The following VPS13B variants were observed in gnomAD, a reference collection of about 807,000 sequenced individuals.
VPS13B encodes the protein intermembrane lipid transfer protein VPS13B.
Under a neutral mutation model 426.4 loss-of-function variants are expected in VPS13B, and 285 were observed. That is an observed-to-expected ratio of 0.67 (90% CI 0.61 to 0.74). The LOEUF (loss-of-function observed/expected upper bound fraction) is 0.74. Among genes scored for constraint, VPS13B ranks in the 30% least tolerant of loss-of-function variants. VPS13B has a pLI of 0.00. For missense variants in VPS13B, 4,537 were observed against 4,782.6 expected (o/e 0.95, Z 1.51); for synonymous variants, 1,676 against 1,676.4 (o/e 1.00, Z 0.01).
chr8:99,139,159 C>T (rs977241975), intron 12 of VPS13B, among the ~76,000 whole-genome samples: 1 of 152,202 alleles, frequency 6.6e-6, no homozygotes. Flanking sequence ...GTATTCTCCA[C>T]GCACACCAAG....
intron 1 of VPS13B, among the ~76,000 whole-genome samples, 180 bp downstream of exon 1, chr8:99,013,527 G>A (rs1841432222): frequency 1.3e-5 from 2 of 152,176 alleles, no homozygotes; most frequent in African/African-American, 4.8e-5. Flanking sequence ...CCACTCTGAG[G>A]GACCCGCTCT....
chr8:99,227,080 T>G (rs1816060342), intron 17 of VPS13B, among the ~76,000 whole-genome samples: 1 of 152,232 alleles, frequency 6.6e-6, no homozygotes, highest in African/African-American at 2.4e-5. Context: ...TCTATCATTC[T>G]ACTGTCCACC....
chr8:99,275,055 A>G (rs780129889), intron 18 of VPS13B, 26 bp from the exon 19 acceptor site: 4 of 1,553,862 alleles, frequency 2.6e-6, no homozygotes, highest in African/African-American at 2.8e-5. Context: ...TATTTTTATT[A>G]TTGTTTTATA....
intron 17 of VPS13B, among the ~76,000 whole-genome samples, chr8:99,273,923 T>G (rs1415177374): frequency 6.6e-6 from 1 of 151,934 alleles, no homozygotes; most frequent in African/African-American, 2.4e-5. Context: ...TTATTTCTTG[T>G]TTTTTTTAAA....
chr8:99,370,511 T>G (rs1212395880), intron 19 of VPS13B, among the ~76,000 whole-genome samples: 1 of 152,060 alleles, frequency 6.6e-6, no homozygotes, highest in Non-Finnish European at 1.5e-5. Flanking sequence ...TAATTTAGAT[T>G]GGTAAAGCAG....
At chr8:99,420,788 A>T (rs577553515) in intron 21 of VPS13B, among the ~76,000 whole-genome samples, 1 of 152,290 alleles carries the variant, frequency 6.6e-6, no homozygotes, top group East Asian at 1.9e-4. Context: ...AGGCTCTAGA[A>T]GAAGGACCAA....
intron 17 of VPS13B, chr8:99,234,292 G>T: frequency 1.3e-6 from 1 of 761,846 alleles, no homozygotes; most frequent in Non-Finnish European, 2.5e-6. Flanking sequence ...CTGTGTCTGT[G>T]TTGACTTGTT....
chr8:99,241,637 A>T (rs941384494), intron 17 of VPS13B: 3 of 152,196 alleles, frequency 2.0e-5, no homozygotes, highest in African/African-American at 7.2e-5. Flanking sequence ...TCCCAAGTCT[A>T]TGGAAATTTT....
chr8:99,804,880 C>T (rs1399601587), intron 43 of VPS13B, among the ~76,000 whole-genome samples: 1 of 151,892 alleles, frequency 6.6e-6, no homozygotes, highest in Admixed American at 6.6e-5. Flanking sequence ...TACCTATAGT[C>T]CTAGCTACTC....
intron 23 of VPS13B, among the ~76,000 whole-genome samples, chr8:99,462,341 A>G (rs550701756): frequency 4.7e-4 from 71 of 152,244 alleles, no homozygotes; most frequent in African/African-American, 1.6e-3. Flanking sequence ...CAAATCGATT[A>G]GAACTTTTTT....
At chr8:99,022,341 A>G (rs1442678979) in intron 2 of VPS13B, among the ~76,000 whole-genome samples, 1 of 151,862 alleles carries the variant, frequency 6.6e-6, no homozygotes, top group Non-Finnish European at 1.5e-5. Context: ...AAAATTTTAT[A>G]ATTTCCATTT....
At chr8:99,728,807 G>T (rs1833465564) in intron 39 of VPS13B, among the ~76,000 whole-genome samples, 1 of 152,178 alleles carries the variant, frequency 6.6e-6, no homozygotes, top group South Asian at 2.1e-4. Flanking sequence ...TTAATATCAA[G>T]ATACAGTGGG....
intron 29 of VPS13B, among the ~76,000 whole-genome samples, chr8:99,518,444 G>T (rs1822203477): frequency 6.6e-6 from 1 of 152,174 alleles, no homozygotes; most frequent in South Asian, 2.1e-4. Context: ...TAGTGCAGCT[G>T]CATGAGAAGT....
chr8:99,197,832 A>G (rs905956200), intron 17 of VPS13B, among the ~76,000 whole-genome samples: 2 of 151,956 alleles, frequency 1.3e-5, no homozygotes, highest in Non-Finnish European at 2.9e-5. Context: ...CCTGTTGGTA[A>G]TTTAGGAACA....
chr8:99,074,529 C>G (rs1845017425), intron 3 of VPS13B, among the ~76,000 whole-genome samples: 1 of 151,520 alleles, frequency 6.6e-6, no homozygotes, highest in Non-Finnish European at 1.5e-5. Context: ...AAAATTCTAC[C>G]TGATTATAGT....
chr8:99,790,040 G>A lies in VPS13B; in HGVS notation c.7941+5564G>A, dbSNP rs139978250. 5.1e-4 allele frequency among the ~76,000 whole-genome samples: 78 copies of A among 152,116 alleles called. 1 individual carries two copies. Among genetic ancestry groups the A allele is most frequent in the African/African-American group, 1.6e-3 (67 of 41,522 alleles). On this transcript the variant is annotated intron_variant, in intron 43 of 61. Transcript: ENST00000357162. ...CCAAAACTCACATACAGACTAAAAG[G>A]AACTTCAAATATTAATTCTTAGGAA...
Position 99,875,891 on chromosome 8 carries a change from A to G in VPS13B, c.*225A>G. 1.7e-6 allele frequency: 1 copy of G among 577,414 alleles called. No individual in the cohort carries two copies. Among genetic ancestry groups the G allele is most frequent in the Non-Finnish European group, 3.1e-6 (1 of 325,930 alleles). The allele number at this position is 577,414 out of a possible 1,614,324, so 35.8% of individuals were successfully genotyped here. ...TTTAAAAAGCCTAGGCAGCTCTAAC[A>G]TCATCTGATATGGACACAAGGCCAA... On this transcript the variant is annotated 3_prime_UTR_variant, in exon 62 of 62. Coordinates refer to ENST00000357162, the MANE Select transcript of VPS13B (RefSeq NM_152564.5).
intron 19 of VPS13B, among the ~76,000 whole-genome samples, chr8:99,372,931 T>C (rs571495218): frequency 1.9e-4 from 29 of 152,180 alleles, no homozygotes; most frequent in Non-Finnish European, 3.1e-4. Flanking sequence ...CCATCAGTGA[T>C]AGACTGGATT....
At chr8:99,090,272 T>TA (rs1174444369) in intron 3 of VPS13B, among the ~76,000 whole-genome samples, 2 of 151,472 alleles carry the variant, frequency 1.3e-5, no homozygotes, top group East Asian at 3.9e-4. Flanking sequence ...ATAAACTTTT[T>TA]TTTTTTTTTT....
Sources: gnomAD v4.1 joint callset for allele counts (sites outside exome capture counted in the v4.1 genomes callset) on GRCh38, gnomAD v4.1.1 for gene constraint, MANE v1.5 for transcripts, NCBI Gene and HGNC (gene_info 2026-07-23, HGNC 2026-07-21) for gene names.